TMEM135: variants seen among roughly 807,000 people sequenced by gnomAD.
The protein encoded by TMEM135 is transmembrane protein 135.
Under a neutral mutation model 60.3 loss-of-function variants are expected in TMEM135, and 30 were observed. The ratio of observed to expected loss-of-function variants is 0.50; its 90% CI spans 0.37 to 0.68. The LOEUF is 0.68. TMEM135 is among the 30% of genes least tolerant of loss of function. TMEM135 has a pLI of 0.00. For synonymous variants in TMEM135, 190 were observed against 186.7 expected (o/e 1.02, Z -0.14); for missense variants, 468 against 548.8 (o/e 0.85, Z 1.47).
At position 87,236,586 on chromosome 11, in the gene TMEM135, A is replaced by G. The variant is rs1403495122; in HGVS notation, c.463-52A>G. On this transcript the variant is annotated intron_variant, in intron 5 of 14. Coordinates refer to ENST00000305494, the MANE Select transcript of TMEM135 (RefSeq NM_022918.4). ...GTATTTTGCTTTTATGAGTCACTCA[A>G]ATGGTGATGTCAGTGTTCTTTTGCA... 1.9e-6 allele frequency: 3 copies of G among 1,539,988 alleles called. No individual in the cohort carries two copies. The African/African-American group carries it at 4.1e-5, about 21-fold the overall frequency.
chr11:87,114,164 A>C (rs1330165631), intron 4 of TMEM135, among the ~76,000 whole-genome samples: 1 of 152,084 alleles, frequency 6.6e-6, no homozygotes, highest in Non-Finnish European at 1.5e-5. Context: ...AAAATTGAGA[A>C]TGTACTCCAG....
At chr11:87,047,459 G>A (rs1019590822) in intron 1 of TMEM135, among the ~76,000 whole-genome samples, 3 of 151,222 alleles carry the variant, frequency 2.0e-5, no homozygotes, top group Admixed American at 6.6e-5. Flanking sequence ...GTGTGTGCGC[G>A]CACCGTGCGC....
At chr11:87,075,416 A>T (rs1163967422) in intron 3 of TMEM135, among the ~76,000 whole-genome samples, 1 of 151,818 alleles carries the variant, frequency 6.6e-6, no homozygotes, top group South Asian at 2.1e-4. Flanking sequence ...AGCCTCCCAG[A>T]GTGTTGGGAT....
intron 4 of TMEM135, among the ~76,000 whole-genome samples, chr11:87,154,977 T>C (rs551442386): frequency 6.6e-6 from 1 of 152,092 alleles, no homozygotes; most frequent in South Asian, 2.1e-4. Context: ...TAATTTTTGG[T>C]GAAATCCAGT....
intron 6 of TMEM135, among the ~76,000 whole-genome samples, chr11:87,291,416 T>A (rs149173306): frequency 6.6e-6 from 1 of 151,486 alleles, no homozygotes; most frequent in Non-Finnish European, 1.5e-5. Flanking sequence ...CTCCACCTTC[T>A]ACAACTATGA....
intron 5 of TMEM135, among the ~76,000 whole-genome samples, chr11:87,167,551 A>G (rs910417182): frequency 6.6e-6 from 1 of 152,164 alleles, no homozygotes; most frequent in East Asian, 1.9e-4. Flanking sequence ...CCTTTTCTGC[A>G]TCTATTGGGA....
At chr11:87,222,057 C>A (rs962641593) in intron 5 of TMEM135, among the ~76,000 whole-genome samples, 1 of 151,352 alleles carries the variant, frequency 6.6e-6, no homozygotes, top group South Asian at 2.1e-4. Flanking sequence ...TGGTGGGCGC[C>A]TGTAATCCCA....
intron 4 of TMEM135, among the ~76,000 whole-genome samples, chr11:87,111,812 T>C (rs60061486): frequency 0.02 from 3,116 of 152,238 alleles, 112 homozygotes; most frequent in African/African-American, 0.071. Context: ...AAAAGCACCC[T>C]GTTAAATAGG....
At chr11:87,144,529 C>T (rs1938353607) in intron 4 of TMEM135, among the ~76,000 whole-genome samples, 1 of 152,160 alleles carries the variant, frequency 6.6e-6, no homozygotes, top group Non-Finnish European at 1.5e-5. Context: ...GAAAGTCATT[C>T]CCTTCATGGG....
intron 4 of TMEM135, among the ~76,000 whole-genome samples, chr11:87,115,269 A>G (rs1857850165): frequency 6.6e-6 from 1 of 152,166 alleles, no homozygotes. Context: ...TATTATTAAC[A>G]TCTCTTTAAT....
intron 4 of TMEM135, 68 bp from the exon 5 acceptor site, chr11:87,157,273 G>A: frequency 2.9e-6 from 4 of 1,377,390 alleles, no homozygotes; most frequent in Non-Finnish European, 4.1e-6. Context: ...CATTTAGGGT[G>A]TGGGATATAC....
At chr11:87,076,552 A>G (rs1311850936) in intron 3 of TMEM135, among the ~76,000 whole-genome samples, 1 of 152,228 alleles carries the variant, frequency 6.6e-6, no homozygotes, top group South Asian at 2.1e-4. Context: ...GCTGGTACCT[A>G]CGTGCAAGAC....
rs1941788750 is a variant in TMEM135, at chr11:87,268,165, TTTCC to T, written c.510-27614_510-27611del. Among the ~76,000 whole-genome samples, 3 of 146,752 alleles carry T rather than the reference TTTCC, an allele frequency of 2.0e-5. 1 individual carries two copies. Among genetic ancestry groups the T allele is most frequent in the Non-Finnish European group, 4.5e-5 (3 of 66,232 alleles). On this transcript the variant is annotated intron_variant, in intron 6 of 14. Transcript: ENST00000305494. Reference sequence around the variant, plus strand: ...CTCTCCTTTCCTTTATTTCCTTTCCTTTCCTTTCTTTTCTTTTCTTTCTTCTTTT... The same window carrying T: ...CTCTCCTTTCCTTTATTTCCTTTCCTTTTCTTTTCTTTTCTTTCTTCTTTT...
At chr11:87,128,234 C>T (rs973793138) in intron 4 of TMEM135, among the ~76,000 whole-genome samples, 8 of 152,220 alleles carry the variant, frequency 5.3e-5, no homozygotes, top group African/African-American at 1.9e-4. Context: ...TTTTCCTAGT[C>T]TTAATTGTGC....
intron 4 of TMEM135, among the ~76,000 whole-genome samples, chr11:87,101,809 A>C (rs1193509783): frequency 6.6e-6 from 1 of 152,130 alleles, no homozygotes; most frequent in Non-Finnish European, 1.5e-5. Context: ...ACCCGTCTCT[A>C]CTAAAAAAAC....
intron 3 of TMEM135, among the ~76,000 whole-genome samples, chr11:87,090,692 C>T (rs1441731541): frequency 6.6e-6 from 1 of 152,006 alleles, no homozygotes; most frequent in African/African-American, 2.4e-5. Context: ...GCTAAGTAAA[C>T]TGATTAAGGG....
Position 87,322,237 on chromosome 11 carries a change from A to T in TMEM135, c.*904A>T, listed in dbSNP as rs765675071. 6.6e-6 allele frequency: 3 copies of T among 454,284 alleles called. No individual in the cohort carries two copies. The highest frequency in any genetic ancestry group is 1.3e-5 in the Non-Finnish European group (3 of 226,760). The allele number at this position is 454,284 out of a possible 1,614,324, so 28.1% of individuals were successfully genotyped here. ...TTGTATTAGAAGGGATCAAAATCCT[A>T]TGGAACAAAGTAGTCTTGGCAAGTT... On this transcript the variant is annotated 3_prime_UTR_variant, in exon 15 of 15. Transcript: ENST00000305494.
chr11:87,039,043 TTG>T (rs1238927069), intron 1 of TMEM135, among the ~76,000 whole-genome samples: 2 of 152,240 alleles, frequency 1.3e-5, no homozygotes, highest in South Asian at 2.1e-4. Context: ...GCCTTACAGT[TTG>T]TGTCCTAAGA....
rs1857924302 is a variant in TMEM135, at chr11:87,117,664, G to C, written c.396+26269G>C. ...CTTCATTTCTAATTCTAGTTCTGTTGCTCTTTCAACCACATTTGCATTTAC... is the reference window on the plus strand; with the variant it reads ...CTTCATTTCTAATTCTAGTTCTGTTCCTCTTTCAACCACATTTGCATTTAC... On this transcript the variant is annotated intron_variant, in intron 4 of 14. Coordinates refer to ENST00000305494, the MANE Select transcript of TMEM135 (RefSeq NM_022918.4). Among the ~76,000 whole-genome samples, 3 of 152,132 alleles carry C rather than the reference G, an allele frequency of 2.0e-5. No homozygotes were observed. The South Asian group carries it at 6.2e-4, about 32-fold the overall frequency.
Sources: gnomAD v4.1 joint callset for allele counts (sites outside exome capture counted in the v4.1 genomes callset) on GRCh38, gnomAD v4.1.1 for gene constraint, MANE v1.5 for transcripts, NCBI Gene and HGNC (gene_info 2026-07-23, HGNC 2026-07-21) for gene names.